Variants in LRRC66 observed in about 807,000 individuals in gnomAD.
LRRC66 encodes the protein leucine rich repeat containing 66, also known as leucine-rich repeat-containing protein 66.
In LRRC66, 29 loss-of-function variants were observed where a neutral mutation model predicts 24.6. That is an observed-to-expected ratio of 1.18 (90% CI 0.88 to 1.61). LRRC66 has a LOEUF of 1.61. LRRC66 is among the 40% of genes most tolerant of loss of function. LRRC66 has a pLI of 0.00. For synonymous variants in LRRC66, 411 were observed against 397.6 expected, an observed-to-expected ratio of 1.03 and a Z score of -0.40; for missense variants, 1,124 against 1,058.0, an observed-to-expected ratio of 1.06 and a Z score of -0.87.
In LRRC66 at chr4:51,994,925, C is replaced by T. The variant is rs1156432196; in HGVS notation, c.2097G>A (p.Leu699=). ...KSTPSDTCCE[L]ESDCDSDEGS... Reference sequence around the variant, plus strand: ...CCTCATCAGAGTCACAGTCACTCTCCAACTCACAGCAAGTGTCAGAAGGAG... The same window carrying T: ...CCTCATCAGAGTCACAGTCACTCTCTAACTCACAGCAAGTGTCAGAAGGAG... The change falls in exon 5 of 5, where the codon TTG becomes TTA. Residue 699 remains leucine, a synonymous_variant. Transcript: ENST00000682860. 2 of 1,614,034 alleles carry T rather than the reference C, an allele frequency of 1.2e-6. No individual in the cohort carries two copies. The highest frequency in any genetic ancestry group is 1.3e-5 in the African/African-American group (1 of 74,916).
In LRRC66 at chr4:51,995,956, C is replaced by T. The variant is rs1191572681; in HGVS notation, c.1066G>A (p.Val356Ile). 2.5e-6 allele frequency: 4 copies of T among 1,613,922 alleles called. No individual in the cohort carries two copies. Among genetic ancestry groups the T allele is most frequent in the Non-Finnish European group, 3.4e-6 (4 of 1,180,006 alleles). ...RKKQRRLPRS[V>I]RSTRDVQAAG... ...GCCTGCACATCGCGGGTGCTTCTAA[C>T]ACTCCTTGGCAGCCGTCTCTGCTTC... Residue 356 changes from valine to isoleucine, a missense_variant, in exon 5 of 5, where the codon GTT becomes ATT. Val to Ile is a conservative substitution (Grantham distance 29). Transcript: ENST00000682860.
rs554850992 is a variant in LRRC66, at chr4:52,010,773, G to A, written c.496+6345C>T. On this transcript the variant is annotated intron_variant, in intron 2 of 4. Transcript: ENST00000682860. ...TTGGTGCTGTGATGAACATATGAGT[G>A]CATGTGTCTTTTTTGTAGAATGATT... is the stretch of plus-strand genomic sequence containing the variant. 3.3e-5 allele frequency among the ~76,000 whole-genome samples: 5 copies of A among 152,206 alleles called. No individual in the cohort carries two copies. The South Asian group carries it at 1.0e-3, about 32-fold the overall frequency.
intron 2 of LRRC66, among the ~76,000 whole-genome samples, chr4:52,014,417 T>C (rs780338750): frequency 6.6e-6 from 1 of 152,262 alleles, no homozygotes; most frequent in Non-Finnish European, 1.5e-5. Context: ...ATTTATATTG[T>C]GACAGTTTAT....
In LRRC66 at chr4:51,996,169, C is replaced by A. The variant is rs187311266; in HGVS notation, c.857-4G>T. 1.3e-6 allele frequency: 2 copies of A among 1,569,084 alleles called. No homozygotes were observed. The highest frequency in any genetic ancestry group is 2.3e-5 in the East Asian group (1 of 44,234). ...CCCCCGTTGGCCTCCTCACTCCCTGCAAGTGGGATTAAAAAAATACACATT... is the reference window on the plus strand; with the variant it reads ...CCCCCGTTGGCCTCCTCACTCCCTGAAAGTGGGATTAAAAAAATACACATT... On this transcript the variant is annotated splice_polypyrimidine_tract_variant and splice_region_variant and intron_variant, in intron 4 of 4. Coordinates refer to ENST00000682860, the MANE Select transcript of LRRC66 (RefSeq NM_001024611.3).
intron 2 of LRRC66, among the ~76,000 whole-genome samples, chr4:52,008,650 C>A (rs6856794): frequency 0.43 from 65,815 of 151,910 alleles, 16,874 homozygotes; most frequent in Non-Finnish European, 0.57. Flanking sequence ...ATCTTTAAAA[C>A]GGTCAGCCTA....
At chr4:52,018,583 C>A in intron 1 of LRRC66, 2 of 985,406 alleles carry the variant, frequency 2.0e-6, no homozygotes, top group Non-Finnish European at 2.4e-6. Flanking sequence ...TGCCTCTTGA[C>A]TTTCCTTCTT....
At chr4:52,005,285 TG>T (rs1426726435) in intron 2 of LRRC66, among the ~76,000 whole-genome samples, 1 of 152,132 alleles carries the variant, frequency 6.6e-6, no homozygotes, top group East Asian at 1.9e-4. Flanking sequence ...CTGCTATCAA[TG>T]GGGGCGTGAG....
chr4:52,015,794 AAACC>A (rs1382598279), intron 2 of LRRC66, among the ~76,000 whole-genome samples: 9 of 152,258 alleles, frequency 5.9e-5, no homozygotes, highest in Admixed American at 5.2e-4. Flanking sequence ...GCATATATAA[AAACC>A]AACTATTTGA....
chr4:52,015,491 C>T lies in LRRC66; in HGVS notation c.496+1627G>A, dbSNP rs1031632795. On this transcript the variant is annotated intron_variant, in intron 2 of 4. Transcript: ENST00000682860. ...CGATTTGATGCCTTGTTAGAGTATA[C>T]GATTCTCAAGCTGGGTACAAATCCA... Among the ~76,000 whole-genome samples the T allele has an allele frequency of 3.9e-5, 6 of 152,086 alleles. No individual in the cohort carries two copies. In the East Asian group the frequency reaches 7.7e-4, roughly 20 times the overall value.
chr4:52,006,469 C>T (rs1268268206), intron 2 of LRRC66, among the ~76,000 whole-genome samples: 3 of 147,750 alleles, frequency 2.0e-5, no homozygotes, highest in African/African-American at 5.0e-5. Context: ...CCAAACACGG[C>T]ATATTCTCAC....
In LRRC66 at chr4:51,995,853, G is replaced by A. The variant is rs759256231; in HGVS notation, c.1169C>T (p.Ala390Val). The change falls in exon 5 of 5, where the codon GCC becomes GTC. Residue 390 changes from alanine (A) to valine (V), a missense_variant. Coordinates refer to ENST00000682860, the MANE Select transcript of LRRC66 (RefSeq NM_001024611.3). ...CCTTGTGAAAGCCCCCAGGCTGAAGGCGACAAGGAATGTGATGAACACTGA... is the reference window on the plus strand; with the variant it reads ...CCTTGTGAAAGCCCCCAGGCTGAAGACGACAAGGAATGTGATGAACACTGA... The part of the protein sequence containing the change: ...CLSVFITFLV[A>V]FSLGAFTRPY... 12 of 1,614,070 alleles carry A rather than the reference G, an allele frequency of 7.4e-6. No individual in the cohort carries two copies. In the African/African-American group the frequency reaches 1.5e-4, roughly 20 times the overall value.
intron 2 of LRRC66, among the ~76,000 whole-genome samples, chr4:52,008,916 A>G (rs1337067135): frequency 1.3e-5 from 2 of 152,154 alleles, no homozygotes; most frequent in Non-Finnish European, 2.9e-5. Context: ...GATAGTAAAA[A>G]CATATTGTGG....
rs373206932 is a variant in LRRC66 at position 52,009,530 on chromosome 4, T to C, written c.497-6138A>G. On this transcript the variant is annotated intron_variant, in intron 2 of 4. Coordinates refer to ENST00000682860, the MANE Select transcript of LRRC66 (RefSeq NM_001024611.3). ...TGATCAGAAAAGAGAAGATATAAATTATCAGTGTCAATAATAAGAGAGGTG... is the reference window on the plus strand; with the variant it reads ...TGATCAGAAAAGAGAAGATATAAATCATCAGTGTCAATAATAAGAGAGGTG... Among the ~76,000 whole-genome samples the C allele has an allele frequency of 4.9e-4, 75 of 152,158 alleles. 1 individual carries two copies. The South Asian group carries it at 0.015, about 31-fold the overall frequency.
intron 1 of LRRC66, chr4:52,018,564 T>C (rs1736870461): frequency 3.0e-6 from 3 of 985,454 alleles, no homozygotes; most frequent in Non-Finnish European, 3.6e-6. Context: ...TAACTGACTT[T>C]CTTGCCTCTG....
At chr4:51,998,157 C>T (rs1439290032) in intron 3 of LRRC66, among the ~76,000 whole-genome samples, 1 of 152,196 alleles carries the variant, frequency 6.6e-6, no homozygotes, top group Non-Finnish European at 1.5e-5. Context: ...GCCTCCCTCC[C>T]AGGGTTGCTG....
chr4:51,994,142 C>A lies in LRRC66; in HGVS notation c.*237G>T, dbSNP rs775680531. ...TCAAAATATTCCCCTCTTTCTCTTT[C>A]ACACTGAAGAGCAGGTTCATCCCCA... On this transcript the variant is annotated 3_prime_UTR_variant, in exon 5 of 5. Coordinates refer to ENST00000682860, the MANE Select transcript of LRRC66 (RefSeq NM_001024611.3). 1.1e-5 allele frequency: 5 copies of A among 462,348 alleles called. No individual in the cohort carries two copies. The highest frequency in any genetic ancestry group is 1.9e-5 in the Non-Finnish European group (5 of 263,330). The allele number at this position is 462,348 out of a possible 1,614,324, so 28.6% of individuals were successfully genotyped here.
At chr4:52,004,073 A>G (rs1216403722) in intron 2 of LRRC66, among the ~76,000 whole-genome samples, 2 of 151,688 alleles carry the variant, frequency 1.3e-5, no homozygotes, top group Non-Finnish European at 2.9e-5. Flanking sequence ...TACAATCCCC[A>G]CTCATTGCAA....
Position 51,999,878 on chromosome 4 carries a change from A to G in LRRC66, c.667-1941T>C, listed in dbSNP as rs113179065. ...TCACTGCATTTAAGAAGAATGGGAT[A>G]AGATTAGGAAAAGAAATGCTAATTT... On this transcript the variant is annotated intron_variant, in intron 3 of 4. Coordinates refer to ENST00000682860, the MANE Select transcript of LRRC66 (RefSeq NM_001024611.3). Among the ~76,000 whole-genome samples, 650 of 152,344 alleles carry G rather than the reference A, an allele frequency of 4.3e-3. 8 individuals are homozygous for G. The highest frequency in any genetic ancestry group is 0.014 in the Middle Eastern group (4 of 294).
At chr4:51,999,613 T>C (rs1317627310) in intron 3 of LRRC66, among the ~76,000 whole-genome samples, 1 of 152,224 alleles carries the variant, frequency 6.6e-6, no homozygotes, top group Non-Finnish European at 1.5e-5. Context: ...ATTTTCTTTT[T>C]AGTGCATGTC....
Sources: allele counts gnomAD v4.1 joint callset (sites outside exome capture counted in the v4.1 genomes callset), GRCh38; gene constraint gnomAD v4.1.1; transcripts MANE v1.5; gene names NCBI Gene and HGNC (gene_info 2026-07-23, HGNC 2026-07-21).